BBX: variants seen among roughly 807,000 people sequenced by gnomAD.
The protein encoded by BBX is BBX high mobility group box domain containing.
A neutral mutation model predicts 100.2 loss-of-function variants in BBX; 30 were observed. The ratio of observed to expected loss-of-function variants is 0.30; its 90% CI spans 0.22 to 0.41. The LOEUF (loss-of-function observed/expected upper bound fraction) is 0.41. BBX is among the 10% of genes least tolerant of loss of function. BBX has a pLI of 1.00. For synonymous variants in BBX, 376 were observed against 388.1 expected (o/e 0.97, Z 0.37); for missense variants, 1,023 against 1,129.8 (o/e 0.91, Z 1.35).
rs11403529 is a variant in BBX at position 107,641,087 on chromosome 3, C to CTT, written c.-83-4735_-83-4734dup. Among the ~76,000 whole-genome samples the CTT allele has an allele frequency of 9.4e-3, 1,311 of 139,378 alleles. 33 individuals are homozygous for CTT. Among genetic ancestry groups the CTT allele is most frequent in the African/African-American group, 0.03 (1,151 of 37,788 alleles). 91.4% of individuals were successfully genotyped at this position (139,378 alleles called of 152,430 possible). On this transcript the variant is annotated intron_variant, in intron 2 of 17. Coordinates refer to ENST00000325805, the MANE Select transcript of BBX (RefSeq NM_001142568.3). ...AGGTGGTAGGTAATTTCTTTTCTTTCTTTTTTTTTTTTTTTGAGACTGAAT... is the reference window on the plus strand; with the variant it reads ...AGGTGGTAGGTAATTTCTTTTCTTTCTTTTTTTTTTTTTTTTTGAGACTGAAT...
At chr3:107,591,336 T>A (rs563371301) in intron 2 of BBX, among the ~76,000 whole-genome samples, 1 of 152,242 alleles carries the variant, frequency 6.6e-6, no homozygotes, top group South Asian at 2.1e-4. Flanking sequence ...AAAACTTACC[T>A]AAGAGTAAAA....
In BBX at chr3:107,801,443, C is replaced by T. The variant is rs868125481; in HGVS notation, c.2738+162C>T. 1.3e-5 allele frequency among the ~76,000 whole-genome samples: 2 copies of T among 152,122 alleles called. 1 individual carries two copies. The highest frequency in any genetic ancestry group is 4.8e-5 in the African/African-American group (2 of 41,408). The stretch of plus-strand genomic sequence containing the variant: ...AAAGCATATATGCTAATTAGCAGTG[C>T]GGGAAAATACCAGGGAATATAGTCA... On this transcript the variant is annotated intron_variant, in intron 17 of 17. Coordinates refer to ENST00000325805, the MANE Select transcript of BBX (RefSeq NM_001142568.3).
intron 15 of BBX, among the ~76,000 whole-genome samples, chr3:107,797,342 A>ATG (rs2107996566): frequency 9.7e-6 from 1 of 103,278 alleles, no homozygotes; most frequent in Admixed American, 9.5e-5. Context: ...TTCCAAATAT[A>ATG]TATATATATA....
chr3:107,778,994 C>CATATATAT (rs1286419462), intron 13 of BBX, among the ~76,000 whole-genome samples: 4,217 of 66,930 alleles, frequency 0.063, 173 homozygotes, highest in Middle Eastern at 0.1. Context: ...CCTCCAGCAA[C>CATATATAT]ATATATATAT....
intron 2 of BBX, among the ~76,000 whole-genome samples, chr3:107,612,537 A>G (rs893852224): frequency 7.2e-5 from 11 of 152,138 alleles, no homozygotes; most frequent in South Asian, 2.1e-4. Flanking sequence ...ATCCGAAAGA[A>G]TTCTCTGGGT....
At chr3:107,682,009 C>T (rs2059595655) in intron 3 of BBX, among the ~76,000 whole-genome samples, 2 of 152,250 alleles carry the variant, frequency 1.3e-5, no homozygotes, top group East Asian at 1.9e-4. Context: ...ACACATTCAA[C>T]GTGCTTCATA....
chr3:107,543,486 A>G (rs2049002397), intron 2 of BBX, among the ~76,000 whole-genome samples: 1 of 152,270 alleles, frequency 6.6e-6, no homozygotes, highest in Non-Finnish European at 1.5e-5. Context: ...ACTATAGGTA[A>G]TACATTATGC....
chr3:107,605,915 C>T (rs2054401331), intron 2 of BBX, among the ~76,000 whole-genome samples: 1 of 152,078 alleles, frequency 6.6e-6, no homozygotes, highest in South Asian at 2.1e-4. Flanking sequence ...TTTCTTGTCC[C>T]CAAGCTTTGC....
Position 107,783,345 on chromosome 3 carries a change from A to G in BBX, c.2203+4826A>G, listed in dbSNP as rs946888430. Among the ~76,000 whole-genome samples the G allele has an allele frequency of 6.6e-5, 10 of 152,100 alleles. 1 individual carries two copies. On this transcript the variant is annotated intron_variant, in intron 13 of 17. Transcript: ENST00000325805. ...GAATTTTAAAAATGTAAGTTTATAT[A>G]AGCTCTTCTGTGTACAAAACTACTA...
rs1262051031 is a variant in BBX at position 107,744,647 on chromosome 3, C to T, written c.687C>T (p.Cys229=). 1 of 1,612,942 alleles carries T rather than the reference C, an allele frequency of 6.2e-7. No individual in the cohort carries two copies. The highest frequency in any genetic ancestry group is 8.5e-7 in the Non-Finnish European group (1 of 1,179,150). ...LGTPEVSSGT[C]RPDVSESPEL... is the part of the protein sequence containing the mutation. ...TGTTTCAGGTATCCTCTGGCACATGCAGGCCTGATGTTTCAGAATCTCCTG... is the reference window on the plus strand; with the variant it reads ...TGTTTCAGGTATCCTCTGGCACATGTAGGCCTGATGTTTCAGAATCTCCTG... Residue 229 remains cysteine (C), a synonymous_variant, in exon 8 of 18, where the codon TGC becomes TGT. Transcript: ENST00000325805.
intron 11 of BBX, among the ~76,000 whole-genome samples, chr3:107,774,406 C>T (rs924208175): frequency 2.0e-5 from 3 of 152,048 alleles, no homozygotes; most frequent in African/African-American, 4.8e-5. Flanking sequence ...GAATAGTGCC[C>T]ACCAGCAAAG....
At chr3:107,679,422 G>C (rs1314377696) in intron 3 of BBX, among the ~76,000 whole-genome samples, 2 of 152,080 alleles carry the variant, frequency 1.3e-5, no homozygotes, top group South Asian at 2.1e-4. Context: ...GCTTTGTCCA[G>C]GTCCTGCTGT....
intron 2 of BBX, among the ~76,000 whole-genome samples, chr3:107,597,730 C>T (rs1301037763): frequency 6.6e-6 from 1 of 152,138 alleles, no homozygotes; most frequent in Non-Finnish European, 1.5e-5. Flanking sequence ...TTATTCTAAA[C>T]AAAGAATTGG....
intron 2 of BBX, among the ~76,000 whole-genome samples, chr3:107,614,716 T>A (rs896363604): frequency 6.6e-6 from 1 of 152,212 alleles, no homozygotes; most frequent in South Asian, 2.1e-4. Flanking sequence ...CTGTATTTTT[T>A]ATTGTTATCT....
chr3:107,686,821 C>A (rs933340935), intron 3 of BBX, among the ~76,000 whole-genome samples: 1 of 152,066 alleles, frequency 6.6e-6, no homozygotes, highest in African/African-American at 2.4e-5. Flanking sequence ...CAGTTTTGCT[C>A]CAGATTCTGA....
At chr3:107,749,920 C>T (rs1209037761) in intron 9 of BBX, among the ~76,000 whole-genome samples, 4 of 152,174 alleles carry the variant, frequency 2.6e-5, no homozygotes, top group Non-Finnish European at 2.9e-5. Flanking sequence ...AGGTGTGAGC[C>T]ATCGTGCCTG....
intron 2 of BBX, among the ~76,000 whole-genome samples, chr3:107,639,583 C>G (rs2057067717): frequency 6.6e-6 from 1 of 152,058 alleles, no homozygotes. Flanking sequence ...GTGCGATATC[C>G]CATACCTGAG....
chr3:107,527,338 G>A (rs2047851983), intron 2 of BBX, among the ~76,000 whole-genome samples: 1 of 152,196 alleles, frequency 6.6e-6, no homozygotes, highest in African/African-American at 2.4e-5. Flanking sequence ...TTTAGAGATT[G>A]TATTTTGTGA....
intron 2 of BBX, among the ~76,000 whole-genome samples, chr3:107,578,185 T>C (rs971665184): frequency 2.0e-5 from 3 of 152,212 alleles, no homozygotes; most frequent in African/African-American, 7.2e-5. Flanking sequence ...TTGTAAAGAA[T>C]CAGCTCTTCT....
Sources: gnomAD v4.1 joint callset for allele counts (sites outside exome capture counted in the v4.1 genomes callset) on GRCh38, gnomAD v4.1.1 for gene constraint, MANE v1.5 for transcripts, NCBI Gene and HGNC (gene_info 2026-07-23, HGNC 2026-07-21) for gene names.